THAP6: variants seen among roughly 807,000 people sequenced by gnomAD.
THAP6 encodes THAP domain-containing protein 6.
THAP6 carries 13 observed loss-of-function variants against 20.0 expected under a neutral mutation model. The observed-to-expected ratio is 0.65, with a 90% CI of 0.42 to 1.03. THAP6 has a LOEUF of 1.03. THAP6 is among the 50% of genes least tolerant of loss of function. The probability of loss-of-function intolerance (pLI) is 0.00; values close to 1 mark genes in which losing one functional copy is unlikely to be tolerated. For missense variants in THAP6, 262 were observed against 261.6 expected (o/e 1.00, Z -0.01); for synonymous variants, 93 against 92.2 (o/e 1.01, Z -0.05).
At chr4:75,530,032 T>C, downstream of THAP6, 6 of 976,630 alleles carry the variant, frequency 6.1e-6, no homozygotes, top group Non-Finnish European at 6.1e-6. Context: ...AGTAATGTGT[T>C]ATGTGGTTTT....
Position 75,515,513 on chromosome 4 carries a change from A to G in THAP6, c.61A>G (p.Lys21Glu). 6.2e-7 allele frequency: 1 copy of G among 1,613,948 alleles called. No individual in the cohort carries two copies. Among genetic ancestry groups the G allele is most frequent in the Non-Finnish European group, 8.5e-7 (1 of 1,179,844 alleles). ...ASRCLPNSKL[K>E]GLTFHVFPTD... ...TCGCTGCTTGCCAAATTCGAAGTTAAAAGGACTGACATTTCACGTGTAAGA... is the reference window on the plus strand; with the variant it reads ...TCGCTGCTTGCCAAATTCGAAGTTAGAAGGACTGACATTTCACGTGTAAGA... The change falls in exon 2 of 5, where the codon AAA becomes GAA. Residue 21 changes from lysine to glutamate, a missense_variant. Physicochemically the swap from Lys to Glu is moderately conservative, Grantham distance 56. Coordinates refer to ENST00000311638, the MANE Select transcript of THAP6 (RefSeq NM_144721.6).
At position 75,528,230 on chromosome 4, in the gene THAP6, C is replaced by T. The variant is rs1726499778; in HGVS notation, c.*1016C>T. 1.0e-6 allele frequency: 1 copy of T among 985,390 alleles called. No homozygotes were observed. The highest frequency in any genetic ancestry group is 6.1e-5 in the Admixed American group (1 of 16,292). 61.0% of individuals were successfully genotyped at this position (985,390 alleles called of 1,614,324 possible). On this transcript the variant is annotated 3_prime_UTR_variant, in exon 5 of 5. Coordinates refer to ENST00000311638, the MANE Select transcript of THAP6 (RefSeq NM_144721.6). Reference sequence around the variant, plus strand: ...TTAGAGAAACGGGTAATTAAAACAGCAGCTTTAGAATAGCTTCTTACTGAA... The same window carrying T: ...TTAGAGAAACGGGTAATTAAAACAGTAGCTTTAGAATAGCTTCTTACTGAA...
chr4:75,532,112 G>A (rs1425622138), downstream of THAP6, among the ~76,000 whole-genome samples: 1 of 152,140 alleles, frequency 6.6e-6, no homozygotes, highest in East Asian at 1.9e-4. Context: ...ATCTGAGACA[G>A]GGCAATTCCC....
chr4:75,528,730 T>A lies in THAP6; in HGVS notation c.*1516T>A, dbSNP rs1430910798. On this transcript the variant is annotated 3_prime_UTR_variant, in exon 5 of 5. Coordinates refer to ENST00000311638, the MANE Select transcript of THAP6 (RefSeq NM_144721.6). ...ACTGAGGCCATATCTTTTTACAATC[T>A]GAAAAAAAAGTAGTAAAAAGGTAGT... The A allele has an allele frequency of 1.1e-6, 1 of 937,584 alleles. No individual in the cohort carries two copies. The highest frequency in any genetic ancestry group is 1.3e-6 in the Non-Finnish European group (1 of 792,396). 58.1% of individuals were successfully genotyped at this position (937,584 alleles called of 1,614,324 possible).
downstream of THAP6, among the ~76,000 whole-genome samples, chr4:75,531,515 CTT>C (rs1483730484): frequency 6.6e-6 from 1 of 152,212 alleles, no homozygotes; most frequent in East Asian, 1.9e-4. Flanking sequence ...AATCATGAAA[CTT>C]GTGTGTGTGC....
chr4:75,530,262 A>T (rs1192095029), downstream of THAP6, among the ~76,000 whole-genome samples: 1 of 152,210 alleles, frequency 6.6e-6, no homozygotes, highest in African/African-American at 2.4e-5. Context: ...CACCCAGTAT[A>T]TAAAGGAGAG....
At chr4:75,517,305 C>A (rs143243745) in intron 3 of THAP6, 1 of 195,666 alleles carries the variant, frequency 5.1e-6, no homozygotes, top group Non-Finnish European at 1.1e-5. Context: ...CATGAGCCAC[C>A]GTGCCTGGCC....
chr4:75,531,634 A>T (rs1409905707), downstream of THAP6, among the ~76,000 whole-genome samples: 1 of 152,206 alleles, frequency 6.6e-6, no homozygotes, highest in Non-Finnish European at 1.5e-5. Flanking sequence ...CCCGAGACTG[A>T]GCACTTTATA....
chr4:75,519,553 C>G (rs935414732), intron 3 of THAP6, among the ~76,000 whole-genome samples: 1 of 148,248 alleles, frequency 6.7e-6, no homozygotes. Flanking sequence ...TGTTCATTTC[C>G]CACCTGTGAG....
intron 2 of THAP6, chr4:75,539,792 C>G: frequency 6.5e-7 from 1 of 1,532,268 alleles, no homozygotes; most frequent in Admixed American, 2.0e-5. Context: ...GCGTATAAAA[C>G]GTAGACCATA....
upstream of THAP6, chr4:75,514,260 G>A (rs943628890): frequency 2.5e-6 from 4 of 1,612,454 alleles, no homozygotes; most frequent in Non-Finnish European, 3.4e-6. Flanking sequence ...GACCGCTGGC[G>A]CCATCTTCCC....
intron 2 of THAP6, among the ~76,000 whole-genome samples, chr4:75,535,191 C>T (rs1461481658): frequency 6.6e-6 from 1 of 152,220 alleles, no homozygotes; most frequent in Non-Finnish European, 1.5e-5. Flanking sequence ...GACCTGCCCC[C>T]ATGGTTCATT....
At chr4:75,544,218 T>G (rs1166283830) in intron 3 of THAP6, 1 of 152,196 alleles carries the variant, frequency 6.6e-6, no homozygotes, top group East Asian at 1.9e-4. Context: ...CTCTCTCCCC[T>G]CCTCTGATTA....
chr4:75,525,857 C>T (rs1377819476), intron 4 of THAP6, among the ~76,000 whole-genome samples: 1 of 152,110 alleles, frequency 6.6e-6, no homozygotes, highest in Admixed American at 6.6e-5. Flanking sequence ...GTGGCTATAC[C>T]CTGTGAGCAC....
At chr4:75,517,998 C>T (rs1159937666) in intron 3 of THAP6, among the ~76,000 whole-genome samples, 4 of 152,300 alleles carry the variant, frequency 2.6e-5, no homozygotes, top group Middle Eastern at 3.4e-3. Context: ...AAAGCGTACC[C>T]GCTCCCATGC....
At chr4:75,532,587 C>A (rs1236078828), downstream of THAP6, among the ~76,000 whole-genome samples, 1 of 152,214 alleles carries the variant, frequency 6.6e-6, no homozygotes, top group African/African-American at 2.4e-5. Flanking sequence ...TTCCCTTCTG[C>A]ACTGCCCTAG....
At chr4:75,545,957 G>T (rs796913207) in intron 3 of THAP6, among the ~76,000 whole-genome samples, 1 of 152,186 alleles carries the variant, frequency 6.6e-6, no homozygotes, top group African/African-American at 2.4e-5. Flanking sequence ...CTAGAACTGC[G>T]TGTGGACAGC....
downstream of THAP6, among the ~76,000 whole-genome samples, chr4:75,534,451 T>TA (rs1726792917): frequency 6.6e-6 from 1 of 152,112 alleles, no homozygotes; most frequent in Non-Finnish European, 1.5e-5. Flanking sequence ...CCTAAAACCA[T>TA]AAAAACCCTA....
At chr4:75,514,391 C>G, upstream of THAP6, 1 of 1,333,142 alleles carries the variant, frequency 7.5e-7, no homozygotes, top group Non-Finnish European at 1.0e-6. Context: ...CCAGCGGCCA[C>G]TAGCGACAAT....
Sources: gnomAD v4.1 joint callset for allele counts (sites outside exome capture counted in the v4.1 genomes callset) on GRCh38, gnomAD v4.1.1 for gene constraint, MANE v1.5 for transcripts, NCBI Gene and HGNC (gene_info 2026-07-23, HGNC 2026-07-21) for gene names.